The following TTC9B variants were observed in gnomAD, a reference collection of about 807,000 sequenced individuals.
The protein encoded by TTC9B is tetratricopeptide repeat protein 9B.
In TTC9B, 12 loss-of-function variants were observed where a neutral mutation model predicts 19.4. That is an observed-to-expected ratio of 0.62 (90% CI 0.40 to 1.00). TTC9B has a LOEUF of 1.00. TTC9B is among the 50% of genes least tolerant of loss of function. The probability of loss-of-function intolerance (pLI) is 0.00; values close to 1 mark genes in which losing one functional copy is unlikely to be tolerated. For synonymous variants in TTC9B, 156 were observed against 158.6 expected (o/e 0.98, Z 0.12); for missense variants, 316 against 345.2 (o/e 0.92, Z 0.67).
At chr19:40,216,496 G>A in intron 2 of TTC9B, 1 of 546,566 alleles carries the variant, frequency 1.8e-6, no homozygotes, top group East Asian at 3.1e-5. Flanking sequence ...CCCTCTGCCA[G>A]GAATGCCTCT....
chr19:40,217,597 T>A, intron 1 of TTC9B: 1 of 590,522 alleles, frequency 1.7e-6, no homozygotes, highest in East Asian at 2.9e-5. Flanking sequence ...GAGCTGTCGG[T>A]GGGCAAGAGC....
chr19:40,216,418 A>C, intron 2 of TTC9B, 146 bp from the exon 3 acceptor site: 1 of 636,154 alleles, frequency 1.6e-6, no homozygotes, highest in Non-Finnish European at 2.8e-6. Context: ...CCAAAGCCCC[A>C]GTCACAGTCG....
In TTC9B at chr19:40,216,150, C is replaced by G. The variant is rs370218207; in HGVS notation, c.*13G>C. 6.2e-7 allele frequency: 1 copy of G among 1,609,862 alleles called. No homozygotes were observed. The highest frequency in any genetic ancestry group is 8.5e-7 in the Non-Finnish European group (1 of 1,176,092). ...GGGAGGGCGAGGGATAGAGAGGTCC[C>G]CCTGGATTGGCCTCAGCCAATTACA... is the stretch of plus-strand genomic sequence containing the variant. On this transcript the variant is annotated 3_prime_UTR_variant, in exon 3 of 3. Transcript: ENST00000311308.
rs755058999 is a variant in TTC9B at position 40,218,057 on chromosome 19, G to A, written c.325C>T (p.Pro109Ser). The A allele has an allele frequency of 2.6e-6, 4 of 1,518,630 alleles. No homozygotes were observed. Among genetic ancestry groups the A allele is most frequent in the Non-Finnish European group, 3.5e-6 (4 of 1,139,726 alleles). The allele number at this position is 1,518,630 out of a possible 1,614,324, so 94.1% of individuals were successfully genotyped here. A position where few individuals can be genotyped will look rare whatever the true frequency, so the allele number is the denominator to read the frequency against. ...GGGCTGCTGGTGGGCCCGGGGGCGG[G>A]GGCGGGCAGGCCGCTAGGGCGGGCC... The part of the protein sequence containing the change: ...QGARPSGLPA[P>S]APGPTSSPGP... Residue 109 changes from proline to serine, a missense_variant, in exon 1 of 3, where the codon CCC becomes TCC. Coordinates refer to ENST00000311308, the MANE Select transcript of TTC9B (RefSeq NM_152479.6). This position sits in a 1 kb window ranked among gnomAD's most constrained non-coding sequence, Gnocchi z 4.2.
At chr19:40,217,433 C>G in intron 1 of TTC9B, 64 bp from the exon 2 acceptor site, 1 of 1,548,150 alleles carries the variant, frequency 6.5e-7, no homozygotes, top group Non-Finnish European at 8.7e-7. Flanking sequence ...CACCTGACTG[C>G]GAGGAGCCGA....
chr19:40,216,061 T>G lies in TTC9B; in HGVS notation c.*102A>C, dbSNP rs1973357982. ...CCCCCCAAGAACACCACACAAGTTA[T>G]GATCACCAGTGACAAGTGTTTTACC... On this transcript the variant is annotated 3_prime_UTR_variant, in exon 3 of 3. Transcript: ENST00000311308. 3.1e-6 allele frequency: 3 copies of G among 971,232 alleles called. No homozygotes were observed. The African/African-American group carries it at 4.8e-5, about 16-fold the overall frequency. The allele number at this position is 971,232 out of a possible 1,614,324, so 60.2% of individuals were successfully genotyped here.
intron 2 of TTC9B, 39 bp downstream of exon 2, chr19:40,217,148 T>C: frequency 6.3e-7 from 1 of 1,581,284 alleles, no homozygotes; most frequent in Non-Finnish European, 8.6e-7. Context: ...TTCCCCGCCC[T>C]GGGCCCAGCC....
In TTC9B at chr19:40,217,336, T is replaced by G. The variant is rs1973382473; in HGVS notation, c.461A>C (p.Glu154Ala). 1.9e-6 allele frequency: 3 copies of G among 1,613,652 alleles called. No homozygotes were observed. The South Asian group carries it at 3.3e-5, about 18-fold the overall frequency. ...CTTGAGACAGTACTCGCGCACGCGC[T>G]CGTAGTTTACCAGCTCCGACTGCAG... ...CLLQSELVNY[E>A]RVREYCLKVL... is the part of the protein sequence containing the mutation. Residue 154 changes from glutamate (E) to alanine (A), a missense_variant, in exon 2 of 3, where the codon GAG (glutamate) becomes GCG (alanine). Coordinates refer to ENST00000311308, the MANE Select transcript of TTC9B (RefSeq NM_152479.6).
At chr19:40,217,522 G>C (rs1340753810) in intron 1 of TTC9B, 153 bp from the exon 2 acceptor site, 1 of 974,660 alleles carries the variant, frequency 1.0e-6, no homozygotes, top group South Asian at 1.8e-5. Flanking sequence ...TATCGAAACA[G>C]GCGCAACTGC....
At position 40,218,190 on chromosome 19, in the gene TTC9B, G is replaced by C. The variant is rs758955860; in HGVS notation, c.192C>G (p.Ala64=). 1 of 1,575,082 alleles carries C rather than the reference G, an allele frequency of 6.3e-7. No homozygotes were observed. The highest frequency in any genetic ancestry group is 8.6e-7 in the Non-Finnish European group (1 of 1,164,776). ...GGCCCTCTGCCTTGAACGCCACGGC[G>C]GCACGCAGGCTGCTGTCGAGCGCCG... ...LGAALDSSLR[A]AVAFKAEGQR... Residue 64 remains alanine (A), a synonymous_variant, in exon 1 of 3, where the codon GCC becomes GCG. Coordinates refer to ENST00000311308, the MANE Select transcript of TTC9B (RefSeq NM_152479.6). The surrounding 1 kb of genome is among the most constrained non-coding windows in gnomAD (Gnocchi z 4.2).
intron 1 of TTC9B, 24 bp downstream of exon 1, chr19:40,217,925 GCCCCAT>G: frequency 1.6e-6 from 2 of 1,285,388 alleles, no homozygotes; most frequent in Non-Finnish European, 2.0e-6. Flanking sequence ...CTCCCCTCGT[GCCCCAT>G]CCCCCCACCC....
intron 2 of TTC9B, chr19:40,216,910 A>G: frequency 3.5e-6 from 2 of 568,178 alleles, no homozygotes; most frequent in Non-Finnish European, 6.3e-6. Flanking sequence ...TGAATAGGAG[A>G]TATCAGATGT....
At position 40,218,052 on chromosome 19, in the gene TTC9B, G is replaced by C; in HGVS notation, c.330C>G (p.Ala110=). Reference sequence around the variant, plus strand: ...GCCCGGGGCTGCTGGTGGGCCCGGGGGCGGGGGCGGGCAGGCCGCTAGGGC... The same window carrying C: ...GCCCGGGGCTGCTGGTGGGCCCGGGCGCGGGGGCGGGCAGGCCGCTAGGGC... ...GARPSGLPAP[A]PGPTSSPGPA... Residue 110 remains alanine, a synonymous_variant, in exon 1 of 3, where the codon GCC becomes GCG. Transcript: ENST00000311308. The surrounding 1 kb of genome is among the most constrained non-coding windows in gnomAD (Gnocchi z 4.2). 1 of 1,506,214 alleles carries C rather than the reference G, an allele frequency of 6.6e-7. No individual in the cohort carries two copies. The highest frequency in any genetic ancestry group is 8.8e-7 in the Non-Finnish European group (1 of 1,133,288). 93.3% of individuals were successfully genotyped at this position (1,506,214 alleles called of 1,614,324 possible).
intron 1 of TTC9B, 94 bp from the exon 2 acceptor site, chr19:40,217,463 C>A: frequency 6.8e-7 from 1 of 1,476,512 alleles, no homozygotes. Flanking sequence ...CGGCAGGGAA[C>A]CAGGCCTAAG....
chr19:40,217,427 T>A (rs528046542), intron 1 of TTC9B, 58 bp from the exon 2 acceptor site: 1 of 1,566,352 alleles, frequency 6.4e-7, no homozygotes, highest in East Asian at 2.3e-5. Context: ...AGAACCCACC[T>A]GACTGCGAGG....
intron 2 of TTC9B, 55 bp from the exon 3 acceptor site, chr19:40,216,327 TC>T: frequency 7.3e-7 from 1 of 1,366,946 alleles, no homozygotes; most frequent in Non-Finnish European, 1.0e-6. Context: ...GCAGGTGACT[TC>T]CACACCTCCC....
intron 2 of TTC9B, chr19:40,216,869 C>T (rs1389133464): frequency 4.1e-6 from 2 of 493,320 alleles, no homozygotes; most frequent in Non-Finnish European, 7.4e-6. Context: ...ATGGAGATGA[C>T]AGTGGGTGGA....
chr19:40,216,768 A>C, intron 2 of TTC9B: 1 of 306,980 alleles, frequency 3.3e-6, no homozygotes, highest in Non-Finnish European at 6.2e-6. Context: ...CGAGTGGATG[A>C]GTGGATGGTG....
rs1260910870 is a variant in TTC9B, at chr19:40,217,349, G to T, written c.448C>A (p.Leu150Met). 3.1e-6 allele frequency: 5 copies of T among 1,612,868 alleles called. No individual in the cohort carries two copies. Among genetic ancestry groups the T allele is most frequent in the Non-Finnish European group, 4.2e-6 (5 of 1,179,290 alleles). The change falls in exon 2 of 3, where the codon CTG (leucine) becomes ATG (methionine). Residue 150 changes from leucine (L) to methionine (M), a missense_variant. By Grantham distance (15) the Leu-to-Met change is conservative. Transcript: ENST00000311308. ...TCGCGCACGCGCTCGTAGTTTACCA[G>T]CTCCGACTGCAGCAGGCAAGCTGCG... is the stretch of plus-strand genomic sequence containing the variant. The part of the protein sequence containing the change: ...SLTACLLQSE[L>M]VNYERVREYC...
Sources: allele counts gnomAD v4.1 joint callset, GRCh38; gene constraint gnomAD v4.1.1; non-coding constraint Gnocchi (gnomAD v3.1); transcripts MANE v1.5; gene names NCBI Gene and HGNC (gene_info 2026-07-23, HGNC 2026-07-21).